The following CSMD2 variants were observed in gnomAD, a reference collection of about 807,000 sequenced individuals.
The protein encoded by CSMD2 is CUB and Sushi multiple domains 2.
In CSMD2, 130 loss-of-function variants were observed where a neutral mutation model predicts 398.5. That is an observed-to-expected ratio of 0.33 (90% CI 0.28 to 0.38). The LOEUF (loss-of-function observed/expected upper bound fraction) is 0.38, where lower values mean the gene tolerates loss of function less well. Among genes scored for constraint, CSMD2 ranks in the 10% least tolerant of loss-of-function variants. The pLI is 1.00. For synonymous variants in CSMD2, 1,828 were observed against 1,908.5 expected, an observed-to-expected ratio of 0.96 and a Z score of 1.10; for missense variants, 3,829 against 4,764.9, an observed-to-expected ratio of 0.80 and a Z score of 5.78.
At chr1:34,096,366 T>C (rs1659303045) in intron 1 of CSMD2, among the ~76,000 whole-genome samples, 1 of 151,970 alleles carries the variant, frequency 6.6e-6, no homozygotes, top group South Asian at 2.1e-4. Flanking sequence ...AGGGATGCCC[T>C]CTCTCACCAC....
At chr1:34,140,282 A>G (rs2148522285) in intron 1 of CSMD2, among the ~76,000 whole-genome samples, 1 of 133,542 alleles carries the variant, frequency 7.5e-6, no homozygotes, top group East Asian at 2.1e-4. Context: ...AGACAGAGGA[A>G]TCGGCATATG....
chr1:34,074,758 C>A (rs954212620), intron 2 of CSMD2, among the ~76,000 whole-genome samples: 1 of 151,726 alleles, frequency 6.6e-6, no homozygotes, highest in Non-Finnish European at 1.5e-5. Flanking sequence ...GTGTGTAAAA[C>A]CACAAAGGGT....
Position 33,662,973 on chromosome 1 carries a change from A to C in CSMD2, c.4172T>G (p.Leu1391Arg). The change falls in exon 26 of 71, where the codon CTG (leucine) becomes CGG (arginine). Residue 1391 changes from leucine (L) to arginine (R), a missense_variant. By Grantham distance (102) the Leu-to-Arg change is moderately radical. This residue lies in a region of CSMD2 where 2,001 missense variants were observed against 2,567.1 expected (regional missense o/e 0.78). Transcript: ENST00000373381. ...ELSGPALPKDLHSTFNSVVLQ... is the reference protein window; with the variant it reads ...ELSGPALPKDRHSTFNSVVLQ... ...GACGACCGAGTTGAAGGTGCTATGC[A>C]GGTCCTTGGGCAGGGCCGGGCCACT... 6.2e-7 allele frequency: 1 copy of C among 1,614,182 alleles called. No individual in the cohort carries two copies. The highest frequency in any genetic ancestry group is 8.5e-7 in the Non-Finnish European group (1 of 1,180,014).
rs514427 is a variant in CSMD2 at position 33,636,872 on chromosome 1, A to G, written c.4775-318T>C. ...CTGCTTGCTCCTCCCCAAGGGAAAC[A>G]TGTGTTTCTCTGGCTGGTGGGGGCT... On this transcript the variant is annotated intron_variant, in intron 29 of 70. Transcript: ENST00000373381. This position sits in a 1 kb window ranked among gnomAD's most constrained non-coding sequence, Gnocchi z 4.8. 0.064 allele frequency among the ~76,000 whole-genome samples: 9,790 copies of G among 152,126 alleles called. 429 individuals are homozygous for G. The highest frequency in any genetic ancestry group is 0.15 in the East Asian group (779 of 5,152).
chr1:34,109,717 A>C (rs183878348), intron 1 of CSMD2, among the ~76,000 whole-genome samples: 38 of 152,270 alleles, frequency 2.5e-4, no homozygotes, highest in African/African-American at 8.7e-4. Flanking sequence ...AAAAGTGGGC[A>C]AAGGACATGA....
In CSMD2 at chr1:34,068,894, G is replaced by A. The variant is rs536888061; in HGVS notation, c.404+20083C>T. Among the ~76,000 whole-genome samples the A allele has an allele frequency of 4.0e-4, 61 of 152,340 alleles. 1 individual carries two copies. Among genetic ancestry groups the A allele is most frequent in the South Asian group, 1.0e-3 (5 of 4,822 alleles). On this transcript the variant is annotated intron_variant, in intron 2 of 70. Coordinates refer to ENST00000373381, the MANE Select transcript of CSMD2 (RefSeq NM_001281956.2). ...CTGCCATCCATGTAAGATGTGACTT[G>A]CTCCTCCTTGCCGTCTGCCATTATT...
At position 33,743,620 on chromosome 1, in the gene CSMD2, G is replaced by A. The variant is rs2149256723; in HGVS notation, c.1847-14C>T. On this transcript the variant is annotated splice_polypyrimidine_tract_variant and intron_variant, in intron 13 of 70. Coordinates refer to ENST00000373381, the MANE Select transcript of CSMD2 (RefSeq NM_001281956.2). ...AGAAGCAGGAGACTGCAAGAGAAGA[G>A]CAGTGGAGGTCAGTAAGCATCCCCA... 2 of 1,565,992 alleles carry A rather than the reference G, an allele frequency of 1.3e-6. No individual in the cohort carries two copies. Among genetic ancestry groups the A allele is most frequent in the South Asian group, 2.4e-5 (2 of 84,330 alleles).
intron 28 of CSMD2, among the ~76,000 whole-genome samples, chr1:33,651,793 C>A (rs74066674): frequency 3.2e-3 from 491 of 152,174 alleles, no homozygotes; most frequent in African/African-American, 0.011. Flanking sequence ...TCCAGTAGAA[C>A]CATGGAGGCA....
chr1:33,826,374 T>A (rs150450913), intron 6 of CSMD2, among the ~76,000 whole-genome samples: 2 of 152,322 alleles, frequency 1.3e-5, no homozygotes, highest in African/African-American at 4.8e-5. Context: ...GAGGCCTTGA[T>A]GTGTTCAAAG....
At position 33,736,482 on chromosome 1, in the gene CSMD2, G is replaced by GA. The variant is rs879408657; in HGVS notation, c.2368+2657dup. 3.3e-4 allele frequency among the ~76,000 whole-genome samples: 46 copies of GA among 138,604 alleles called. No individual in the cohort carries two copies. In the Middle Eastern group the frequency reaches 0.014, roughly 44 times the overall value. 90.9% of individuals were successfully genotyped at this position (138,604 alleles called of 152,430 possible). ...GGCGACAGCAAGACTCCGTCTCAAA[G>GA]AAAAAAAAAAAATAGTGAGCCACTT... On this transcript the variant is annotated intron_variant, in intron 15 of 70. Transcript: ENST00000373381.
chr1:33,770,119 G>A (rs1172062296), intron 13 of CSMD2, among the ~76,000 whole-genome samples: 2 of 152,150 alleles, frequency 1.3e-5, no homozygotes, highest in African/African-American at 4.8e-5. Flanking sequence ...GTAGCTTCCA[G>A]GTATTTATTG....
rs1478522552 is a variant in CSMD2, at chr1:33,700,690, C to T, written c.3577-17G>A. On this transcript the variant is annotated splice_polypyrimidine_tract_variant and intron_variant, in intron 22 of 70. Transcript: ENST00000373381. ...ATCATAAACCTGGACACAGGAGAGA[C>T]CCCCAACCCAATGTCGTCAGCATGG... 3 of 1,613,692 alleles carry T rather than the reference C, an allele frequency of 1.9e-6. No homozygotes were observed. The highest frequency in any genetic ancestry group is 2.2e-5 in the East Asian group (1 of 44,882).
chr1:34,156,962 G>A lies in CSMD2; in HGVS notation c.187+7949C>T, dbSNP rs561817596. 1.7e-3 allele frequency among the ~76,000 whole-genome samples: 263 copies of A among 152,252 alleles called. 1 individual carries two copies. The highest frequency in any genetic ancestry group is 2.8e-3 in the Non-Finnish European group (192 of 68,022). On this transcript the variant is annotated intron_variant, in intron 1 of 70. Coordinates refer to ENST00000373381, the MANE Select transcript of CSMD2 (RefSeq NM_001281956.2). The stretch of plus-strand genomic sequence containing the variant: ...GGAGGTAAACCCCTACTCCATCCTC[G>A]GCTTTCCTTTCTGTGAGTGGAGCCA...
intron 13 of CSMD2, among the ~76,000 whole-genome samples, chr1:33,771,687 C>G (rs1432045850): frequency 6.6e-6 from 1 of 152,142 alleles, no homozygotes; most frequent in East Asian, 1.9e-4. Flanking sequence ...TCACCGATCT[C>G]TAGTGTGCAG....
chr1:33,870,841 GCT>G (rs1640408833), intron 5 of CSMD2: 1 of 152,176 alleles, frequency 6.6e-6, no homozygotes. Context: ...GGCTGTGACC[GCT>G]CTCTCTGCCT....
At chr1:33,671,689 T>G (rs1644504880) in intron 25 of CSMD2, among the ~76,000 whole-genome samples, 1 of 152,072 alleles carries the variant, frequency 6.6e-6, no homozygotes. Context: ...TCCACTGTGC[T>G]TTGCTGAGGC....
chr1:33,977,448 T>C (rs375897337), intron 3 of CSMD2, among the ~76,000 whole-genome samples: 1 of 152,002 alleles, frequency 6.6e-6, no homozygotes, highest in African/African-American at 2.4e-5. Context: ...ACCCTCCCTA[T>C]TACCCAGCAA....
chr1:33,645,238 G>C (rs1443926617), intron 29 of CSMD2, among the ~76,000 whole-genome samples: 2 of 151,864 alleles, frequency 1.3e-5, no homozygotes, highest in Non-Finnish European at 2.9e-5. Flanking sequence ...GACCCCATTT[G>C]TATGCTCAGG....
At chr1:33,678,322 A>G (rs1348709356) in intron 25 of CSMD2, among the ~76,000 whole-genome samples, 1 of 151,822 alleles carries the variant, frequency 6.6e-6, no homozygotes, top group Non-Finnish European at 1.5e-5. Flanking sequence ...TTAAAAAAAA[A>G]AAAAAAGAAA....
Sources: gnomAD v4.1 joint callset for allele counts (sites outside exome capture counted in the v4.1 genomes callset) on GRCh38, gnomAD v4.1.1 for gene constraint, gnomAD v4.1.1 regional missense constraint, Gnocchi (gnomAD v3.1) non-coding constraint, MANE v1.5 for transcripts, NCBI Gene and HGNC (gene_info 2026-07-23, HGNC 2026-07-21) for gene names.